Variants in PDE5A observed in about 807,000 individuals in gnomAD.
PDE5A encodes phosphodiesterase 5A, also known as cGMP-specific 3',5'-cyclic phosphodiesterase.
A neutral mutation model predicts 110.2 loss-of-function variants in PDE5A; 67 were observed. The ratio of observed to expected loss-of-function variants is 0.61; its 90% CI spans 0.50 to 0.75. The LOEUF (loss-of-function observed/expected upper bound fraction) is 0.75. Ranked by LOEUF, PDE5A falls within the 30% of genes least tolerant of loss-of-function variation. The pLI is 0.00. For synonymous variants in PDE5A, 328 were observed against 351.2 expected (o/e 0.93, Z 0.74); for missense variants, 862 against 1,045.1 (o/e 0.82, Z 2.42).
In PDE5A at chr4:119,517,606, C is replaced by CTT. The variant is rs35519053; in HGVS notation, c.2000+1437_2000+1438dup. 8.6e-3 allele frequency among the ~76,000 whole-genome samples: 1,088 copies of CTT among 126,688 alleles called. 12 individuals are homozygous for CTT. Among genetic ancestry groups the CTT allele is most frequent in the African/African-American group, 0.03 (1,022 of 33,964 alleles). 83.1% of individuals were successfully genotyped at this position (126,688 alleles called of 152,430 possible). A position where few individuals can be genotyped will look rare whatever the true frequency, so the allele number is the denominator to read the frequency against. The stretch of plus-strand genomic sequence containing the variant: ...GGATGTTTTCTTTTTCTTTTTCTTT[C>CTT]TTTTTTTTTTTTGGAGAAGATGACG... On this transcript the variant is annotated intron_variant, in intron 14 of 20. Coordinates refer to ENST00000354960, the MANE Select transcript of PDE5A (RefSeq NM_001083.4).
At chr4:119,620,261 TTGGG>T (rs1730097121) in intron 1 of PDE5A, among the ~76,000 whole-genome samples, 1 of 152,188 alleles carries the variant, frequency 6.6e-6, no homozygotes, top group Non-Finnish European at 1.5e-5. Flanking sequence ...AGTAGTTCGC[TTGGG>T]TCTGGCATGG....
intron 7 of PDE5A, among the ~76,000 whole-genome samples, chr4:119,556,617 C>T (rs1384431227): frequency 1.3e-5 from 2 of 152,214 alleles, no homozygotes; most frequent in East Asian, 3.9e-4. Flanking sequence ...TACGGTGTAA[C>T]AATGCAAGCA....
chr4:119,616,790 G>A (rs1369878053), intron 1 of PDE5A, among the ~76,000 whole-genome samples: 1 of 151,688 alleles, frequency 6.6e-6, no homozygotes, highest in Non-Finnish European at 1.5e-5. Flanking sequence ...AAGGTGAATG[G>A]TTATCAACTT....
chr4:119,538,778 A>G (rs1578755175), intron 11 of PDE5A, 182 bp downstream of exon 11: 5 of 613,280 alleles, frequency 8.2e-6, no homozygotes, highest in South Asian at 3.7e-5. Context: ...ATCATACACT[A>G]TATTACACAG....
chr4:119,550,353 A>AT (rs1440138341), intron 9 of PDE5A: 4 of 151,984 alleles, frequency 2.6e-5, no homozygotes, highest in Non-Finnish European at 5.9e-5. Flanking sequence ...TTCATTTTTT[A>AT]TTTTTTTCTT....
rs548661447 is a variant in PDE5A, at chr4:119,577,267, G to A, written c.832-10123C>T. ...AATTCTACCAGAGGTACAAGGAGGAGCTGGTACCATTCCTTCTGAAACCAT... is the reference window on the plus strand; with the variant it reads ...AATTCTACCAGAGGTACAAGGAGGAACTGGTACCATTCCTTCTGAAACCAT... On this transcript the variant is annotated intron_variant, in intron 3 of 20. Coordinates refer to ENST00000354960, the MANE Select transcript of PDE5A (RefSeq NM_001083.4). 3.3e-5 allele frequency among the ~76,000 whole-genome samples: 5 copies of A among 152,282 alleles called. No homozygotes were observed. The South Asian group carries it at 6.2e-4, about 19-fold the overall frequency.
At chr4:119,504,471 T>C in intron 18 of PDE5A, 65 bp downstream of exon 18, 1 of 1,242,608 alleles carries the variant, frequency 8.0e-7, no homozygotes, top group Non-Finnish European at 1.2e-6. Flanking sequence ...TACCTAGTAG[T>C]GGGATTGCTG....
At chr4:119,553,009 G>A (rs897005590) in intron 8 of PDE5A, among the ~76,000 whole-genome samples, 25 of 151,956 alleles carry the variant, frequency 1.6e-4, no homozygotes, top group African/African-American at 4.3e-4. Flanking sequence ...AAAATGCACC[G>A]TGTTACAAAC....
chr4:119,594,796 T>C (rs1439204276), intron 3 of PDE5A, among the ~76,000 whole-genome samples: 1 of 152,212 alleles, frequency 6.6e-6, no homozygotes, highest in East Asian at 1.9e-4. Flanking sequence ...GAGAAGTAAC[T>C]GACTTAGGGC....
rs115860737 is a variant in PDE5A, at chr4:119,571,305, G to A, written c.832-4161C>T. Among the ~76,000 whole-genome samples the A allele has an allele frequency of 8.1e-3, 1,238 of 152,216 alleles. 12 individuals are homozygous for A. Among genetic ancestry groups the A allele is most frequent in the African/African-American group, 0.028 (1,182 of 41,524 alleles). On this transcript the variant is annotated intron_variant, in intron 3 of 20. Transcript: ENST00000354960. ...AATATGTGACCCTTAAATGACAAAC[G>A]GGGTTTTTGACATGTGATAAAGTTA...
intron 2 of PDE5A, among the ~76,000 whole-genome samples, chr4:119,599,259 C>T (rs1226147868): frequency 1.3e-5 from 2 of 152,032 alleles, no homozygotes; most frequent in African/African-American, 4.8e-5. Context: ...TGTAGTGAAA[C>T]AGACTATGAC....
At chr4:119,523,690 A>T (rs2110471944) in intron 12 of PDE5A, among the ~76,000 whole-genome samples, 1 of 152,238 alleles carries the variant, frequency 6.6e-6, no homozygotes, top group Admixed American at 6.5e-5. Context: ...TTGAGTGATT[A>T]TCTTCATTAC....
intron 14 of PDE5A, 60 bp downstream of exon 14, chr4:119,518,985 A>C (rs1474486579): frequency 8.0e-7 from 1 of 1,242,786 alleles, no homozygotes; most frequent in African/African-American, 1.5e-5. Context: ...CTTTAACTTA[A>C]AAAAAGACAG....
rs761504157 is a variant in PDE5A, at chr4:119,606,821, C to A, written c.629G>T (p.Gly210Val). ...LISRLFDVAE[G>V]STLEEVSNNC... ...ATTTGAAACTTCTTCCAGTGTTGAACCTTCAGCAACATCAAAGAGGCGGCT... is the reference window on the plus strand; with the variant it reads ...ATTTGAAACTTCTTCCAGTGTTGAAACTTCAGCAACATCAAAGAGGCGGCT... The change falls in exon 2 of 21, where the codon GGT becomes GTT. Residue 210 changes from glycine to valine, a missense_variant. By Grantham distance (109) the Gly-to-Val change is moderately radical. Transcript: ENST00000354960. 3.7e-6 allele frequency: 6 copies of A among 1,614,168 alleles called. No homozygotes were observed. The highest frequency in any genetic ancestry group is 1.7e-5 in the Admixed American group (1 of 60,016).
chr4:119,522,872 A>G (rs553242377), intron 12 of PDE5A, among the ~76,000 whole-genome samples: 22 of 152,178 alleles, frequency 1.4e-4, no homozygotes, highest in Middle Eastern at 3.4e-3. Flanking sequence ...GGATGACTCT[A>G]CAGAGCATGT....
chr4:119,594,138 T>G (rs1363147938), intron 3 of PDE5A, among the ~76,000 whole-genome samples: 1 of 152,030 alleles, frequency 6.6e-6, no homozygotes, highest in Non-Finnish European at 1.5e-5. Flanking sequence ...CTGTGTTTTT[T>G]TAATTTTTTA....
At chr4:119,603,683 A>T (rs1729425135) in intron 2 of PDE5A, among the ~76,000 whole-genome samples, 2 of 152,204 alleles carry the variant, frequency 1.3e-5, no homozygotes, top group Non-Finnish European at 1.5e-5. Context: ...TGAACTAAAT[A>T]TAGGTCATTT....
intron 3 of PDE5A, among the ~76,000 whole-genome samples, chr4:119,586,328 A>T (rs1454786779): frequency 6.6e-6 from 1 of 152,202 alleles, no homozygotes; most frequent in East Asian, 1.9e-4. Flanking sequence ...TTTCCATTCT[A>T]TGATCAAAAG....
At chr4:119,581,085 G>A (rs914765461) in intron 3 of PDE5A, among the ~76,000 whole-genome samples, 3 of 152,176 alleles carry the variant, frequency 2.0e-5, no homozygotes, top group Admixed American at 6.5e-5. Flanking sequence ...TACTTATTAT[G>A]AGTCCATGTC....
Sources: gnomAD v4.1 joint callset for allele counts (sites outside exome capture counted in the v4.1 genomes callset) on GRCh38, gnomAD v4.1.1 for gene constraint, MANE v1.5 for transcripts, NCBI Gene and HGNC (gene_info 2026-07-23, HGNC 2026-07-21) for gene names.